ERBB4: variants seen among roughly 807,000 people sequenced by gnomAD.
ERBB4 encodes the protein receptor tyrosine-protein kinase erbB-4.
Under a neutral mutation model 158.0 loss-of-function variants are expected in ERBB4, and 42 were observed. That is an observed-to-expected ratio of 0.27 (90% confidence interval 0.21 to 0.34). The LOEUF (loss-of-function observed/expected upper bound fraction) is 0.34. Among genes scored for constraint, ERBB4 ranks in the 10% least tolerant of loss-of-function variants. The pLI is 1.00. For missense variants in ERBB4, 1,333 were observed against 1,624.1 expected, an observed-to-expected ratio of 0.82 and a Z score of 3.08; for synonymous variants, 583 against 558.7, an observed-to-expected ratio of 1.04 and a Z score of -0.61.
intron 3 of ERBB4, among the ~76,000 whole-genome samples, chr2:211,840,502 G>C (rs1271805141): frequency 6.6e-6 from 1 of 152,068 alleles, no homozygotes; most frequent in Admixed American, 6.6e-5. Context: ...CCTGCTTAAG[G>C]AGTTGATAGA....
At chr2:211,521,473 A>C (rs533441274) in intron 20 of ERBB4, among the ~76,000 whole-genome samples, 52 of 152,306 alleles carry the variant, frequency 3.4e-4, no homozygotes, top group African/African-American at 1.1e-3. Context: ...TAAGGAAAGA[A>C]GGCATCTCCA....
At chr2:211,861,130 ATAT>A (rs1219812947) in intron 3 of ERBB4, among the ~76,000 whole-genome samples, 18 of 29,038 alleles carry the variant, frequency 6.2e-4, no homozygotes, top group African/African-American at 2.1e-3. Flanking sequence ...TATTTTATAT[ATAT>A]ATATATATAT....
At chr2:212,377,817 T>C (rs2090375074) in intron 1 of ERBB4, among the ~76,000 whole-genome samples, 1 of 152,038 alleles carries the variant, frequency 6.6e-6, no homozygotes, top group East Asian at 1.9e-4. Flanking sequence ...CTTTGTTTCT[T>C]ACTTCATAAG....
intron 2 of ERBB4, among the ~76,000 whole-genome samples, chr2:212,037,091 A>C (rs1481000587): frequency 7.1e-6 from 1 of 140,590 alleles, no homozygotes; most frequent in Admixed American, 7.6e-5. Context: ...GCTTTTAATC[A>C]GAAACAATTT....
At chr2:212,278,812 A>T (rs1329198235) in intron 1 of ERBB4, among the ~76,000 whole-genome samples, 1 of 151,650 alleles carries the variant, frequency 6.6e-6, no homozygotes, top group African/African-American at 2.4e-5. Context: ...ACTTGCCTCA[A>T]TTCCTAGCAT....
chr2:212,099,144 AAAATAAATAAAT>A (rs59327182), intron 2 of ERBB4, among the ~76,000 whole-genome samples: 2,618 of 143,002 alleles, frequency 0.018, 40 homozygotes, highest in Admixed American at 0.025. Context: ...GCCCCTCTCT[AAAATAAATAAAT>A]AAATAAATAA....
At chr2:211,387,283 C>CTAG (rs2125321253) in intron 26 of ERBB4, 133 bp from the exon 27 acceptor site, 1 of 782,524 alleles carries the variant, frequency 1.3e-6, no homozygotes, top group East Asian at 2.6e-5. Context: ...TTTTTTTCCC[C>CTAG]TAGTGGCTAA....
rs868271655 is a variant in ERBB4 at position 212,534,726 on chromosome 2, G to C, written c.82+3723C>G. 1.1e-4 allele frequency among the ~76,000 whole-genome samples: 17 copies of C among 152,238 alleles called. No homozygotes were observed. The Middle Eastern group carries it at 0.01, about 91-fold the overall frequency. ...AAGAGAGAATCTATAGTAACAGAAA[G>C]GGTGAATGCATAAGACAGATGATAA... On this transcript the variant is annotated intron_variant, in intron 1 of 27. Transcript: ENST00000342788.
At chr2:211,487,376 AT>A (rs1197138060) in intron 20 of ERBB4, among the ~76,000 whole-genome samples, 3 of 152,082 alleles carry the variant, frequency 2.0e-5, no homozygotes, top group African/African-American at 2.4e-5. Context: ...AAATAAAAAA[AT>A]AAATAAATAG....
chr2:211,679,291 T>A, intron 12 of ERBB4, 107 bp from the exon 13 acceptor site: 1 of 1,312,460 alleles, frequency 7.6e-7, no homozygotes, highest in Non-Finnish European at 1.1e-6. Context: ...AAGAGATATA[T>A]GGCAAATGAC....
intron 2 of ERBB4, among the ~76,000 whole-genome samples, chr2:212,006,142 T>C (rs1000331477): frequency 1.3e-5 from 2 of 152,214 alleles, no homozygotes; most frequent in Non-Finnish European, 1.5e-5. Flanking sequence ...TTTATCTGAA[T>C]GTGCTGTGGC....
At chr2:211,628,877 T>A (rs537551975) in intron 17 of ERBB4, among the ~76,000 whole-genome samples, 2 of 152,304 alleles carry the variant, frequency 1.3e-5, no homozygotes, top group East Asian at 1.9e-4. Context: ...TGGTGTGAAA[T>A]GGTATCTCAT....
At chr2:211,951,515 A>C (rs753052579) in intron 2 of ERBB4, among the ~76,000 whole-genome samples, 15 of 152,166 alleles carry the variant, frequency 9.9e-5, no homozygotes, top group Non-Finnish European at 2.1e-4. Flanking sequence ...AATATAACTA[A>C]GAAAATCTTT....
In ERBB4 at chr2:212,380,792, T is replaced by C. The variant is rs141360193; in HGVS notation, c.82+157657A>G. ...TGTTAAAATCACATCTGGAATCCCA[T>C]AGCAATTGATGACATTTGGTTATAA... is the stretch of plus-strand genomic sequence containing the variant. On this transcript the variant is annotated intron_variant, in intron 1 of 27. Transcript: ENST00000342788. Among the ~76,000 whole-genome samples the C allele has an allele frequency of 7.8e-3, 1,174 of 151,254 alleles. 12 individuals carry two copies. Among genetic ancestry groups the C allele is most frequent in the African/African-American group, 0.027 (1,105 of 41,448 alleles).
chr2:212,203,784 A>G (rs950082472), intron 1 of ERBB4, among the ~76,000 whole-genome samples: 1 of 152,126 alleles, frequency 6.6e-6, no homozygotes, highest in South Asian at 2.1e-4. Flanking sequence ...CTGTTTCCCA[A>G]CTTTACCTGT....
At chr2:212,160,616 T>C (rs1275789713) in intron 1 of ERBB4, among the ~76,000 whole-genome samples, 1 of 152,018 alleles carries the variant, frequency 6.6e-6, no homozygotes, top group Non-Finnish European at 1.5e-5. Flanking sequence ...TTTAGTATTC[T>C]ATATGTTCCT....
chr2:212,521,579 A>C (rs1390536756), intron 1 of ERBB4, among the ~76,000 whole-genome samples: 1 of 151,838 alleles, frequency 6.6e-6, no homozygotes, highest in Non-Finnish European at 1.5e-5. Context: ...GTTCTCTCCT[A>C]CTACTACTAT....
chr2:212,000,011 T>G (rs1037737141), intron 2 of ERBB4, among the ~76,000 whole-genome samples: 1 of 151,812 alleles, frequency 6.6e-6, no homozygotes, highest in African/African-American at 2.4e-5. Context: ...TTTGAGGGAT[T>G]CGGTAATTCC....
Position 212,266,933 on chromosome 2 carries a change from G to A in ERBB4, c.83-142030C>T, listed in dbSNP as rs541236674. 3.9e-5 allele frequency among the ~76,000 whole-genome samples: 6 copies of A among 151,978 alleles called. No homozygotes were observed. In the East Asian group the frequency reaches 5.8e-4, roughly 15 times the overall value. ...TTCTTAATTTTGATTTATTTGCATC[G>A]GACTTAACGAAGAGAACCTATGCTA... On this transcript the variant is annotated intron_variant, in intron 1 of 27. Coordinates refer to ENST00000342788, the MANE Select transcript of ERBB4 (RefSeq NM_005235.3).
Sources: allele counts gnomAD v4.1 joint callset (sites outside exome capture counted in the v4.1 genomes callset), GRCh38; gene constraint gnomAD v4.1.1; transcripts MANE v1.5; gene names NCBI Gene and HGNC (gene_info 2026-07-23, HGNC 2026-07-21).